SLC4A10: variants seen among roughly 807,000 people sequenced by gnomAD.
The protein encoded by SLC4A10 is solute carrier family 4 member 10.
In SLC4A10, 42 loss-of-function variants were observed where a neutral mutation model predicts 137.7. The ratio of observed to expected loss-of-function variants is 0.30; its 90% CI spans 0.24 to 0.39. The LOEUF (loss-of-function observed/expected upper bound fraction) is 0.39, where lower values mean the gene tolerates loss of function less well. SLC4A10 is among the 10% of genes least tolerant of loss of function. The pLI is 1.00. For synonymous variants in SLC4A10, 474 were observed against 464.1 expected (o/e 1.02, Z -0.27); for missense variants, 925 against 1,355.0 (o/e 0.68, Z 4.98).
chr2:161,806,625 A>G (rs1559291609), intron 3 of SLC4A10, among the ~76,000 whole-genome samples: 1 of 152,110 alleles, frequency 6.6e-6, no homozygotes, highest in African/African-American at 2.4e-5. Flanking sequence ...GCTAAAACAT[A>G]ACAAGAGTCA....
chr2:161,891,406 A>G (rs2062907422), intron 10 of SLC4A10, among the ~76,000 whole-genome samples: 1 of 151,898 alleles, frequency 6.6e-6, no homozygotes, highest in African/African-American at 2.4e-5. Flanking sequence ...ACTTGGTCCT[A>G]TTCTCCCCAC....
intron 18 of SLC4A10, 67 bp from the exon 19 acceptor site, chr2:161,950,619 TA>T (rs1236971412): frequency 6.8e-7 from 1 of 1,468,760 alleles, no homozygotes; most frequent in East Asian, 2.5e-5. Context: ...GTAGCATCTG[TA>T]AGACCTAATT....
At chr2:161,928,302 CAT>C (rs1689598163) in intron 15 of SLC4A10, among the ~76,000 whole-genome samples, 1 of 143,080 alleles carries the variant, frequency 7.0e-6, no homozygotes, top group Admixed American at 7.6e-5. Flanking sequence ...TATTCTCACT[CAT>C]AGGCGGGAAT....
chr2:161,828,328 C>T (rs182320894), intron 3 of SLC4A10, among the ~76,000 whole-genome samples: 55 of 152,074 alleles, frequency 3.6e-4, no homozygotes, highest in Non-Finnish European at 6.3e-4. Context: ...TTTGGAATTT[C>T]ATTTTTGTAC....
At chr2:161,716,562 A>T (rs1388382569) in intron 1 of SLC4A10, among the ~76,000 whole-genome samples, 3 of 151,874 alleles carry the variant, frequency 2.0e-5, no homozygotes, top group African/African-American at 7.2e-5. Context: ...TTAAATAGGG[A>T]ATCCTTTCTC....
At chr2:161,668,485 G>A (rs1177474304) in intron 1 of SLC4A10, among the ~76,000 whole-genome samples, 1 of 151,710 alleles carries the variant, frequency 6.6e-6, no homozygotes, top group Non-Finnish European at 1.5e-5. Flanking sequence ...GAAGTAGTGA[G>A]TTTCTCACTA....
intron 1 of SLC4A10, chr2:161,710,786 T>G (rs2044201426): frequency 2.2e-6 from 1 of 449,234 alleles, no homozygotes; most frequent in Non-Finnish European, 4.5e-6. Flanking sequence ...GAGTAATTCT[T>G]CAATTCAGTA....
chr2:161,945,951 A>G (rs1693719809), intron 16 of SLC4A10, among the ~76,000 whole-genome samples: 1 of 151,948 alleles, frequency 6.6e-6, no homozygotes, highest in African/African-American at 2.4e-5. Context: ...TGGAACTTTT[A>G]GCTCCTTTTT....
Position 161,872,016 on chromosome 2 carries a change from A to T in SLC4A10, c.767-277A>T, listed in dbSNP as rs935605842. Among the ~76,000 whole-genome samples the T allele has an allele frequency of 2.6e-5, 4 of 152,156 alleles. 1 individual carries two copies. Among genetic ancestry groups the T allele is most frequent in the Admixed American group, 1.3e-4 (2 of 15,270 alleles). ...AATGATGCTTCAAAATCCTGGTAAC[A>T]TTTACATATTTTGTAGATAATCCTT... On this transcript the variant is annotated intron_variant, in intron 6 of 26. Transcript: ENST00000446997.
intron 15 of SLC4A10, among the ~76,000 whole-genome samples, chr2:161,912,985 A>G (rs1686220509): frequency 6.6e-6 from 1 of 152,138 alleles, no homozygotes; most frequent in Non-Finnish European, 1.5e-5. Flanking sequence ...GAATACTGTC[A>G]CATCATCCTT....
chr2:161,871,897 A>G (rs1030993910), intron 6 of SLC4A10, among the ~76,000 whole-genome samples: 2 of 152,128 alleles, frequency 1.3e-5, no homozygotes, highest in Non-Finnish European at 2.9e-5. Context: ...TTAATGCTTT[A>G]CATTTTAAAT....
intron 1 of SLC4A10, among the ~76,000 whole-genome samples, chr2:161,657,638 A>G (rs1333900789): frequency 6.6e-6 from 1 of 152,028 alleles, no homozygotes; most frequent in Admixed American, 6.6e-5. Context: ...ATATGATACA[A>G]TGATGGGTCT....
intron 1 of SLC4A10, among the ~76,000 whole-genome samples, chr2:161,648,200 CT>C (rs35645243): frequency 0.81 from 120,489 of 149,482 alleles, 48,848 homozygotes; most frequent in Admixed American, 0.86. Flanking sequence ...ATGTGGTCAA[CT>C]TTTTTTTTTT....
chr2:161,818,113 C>G (rs2057279467), intron 3 of SLC4A10, among the ~76,000 whole-genome samples: 1 of 152,142 alleles, frequency 6.6e-6, no homozygotes, highest in East Asian at 1.9e-4. Flanking sequence ...TACCCATGAG[C>G]ATGGAATGTT....
intron 6 of SLC4A10, among the ~76,000 whole-genome samples, chr2:161,869,969 G>A (rs2061009246): frequency 6.6e-6 from 1 of 151,256 alleles, no homozygotes. Context: ...CATCTGATGT[G>A]TCTGCTGCTA....
At chr2:161,866,606 GA>G (rs1443266521) in intron 6 of SLC4A10, among the ~76,000 whole-genome samples, 2 of 151,780 alleles carry the variant, frequency 1.3e-5, no homozygotes, top group Non-Finnish European at 2.9e-5. Context: ...AAAAATAATA[GA>G]AAAATAATAT....
At chr2:161,687,497 T>A (rs1415426650) in intron 1 of SLC4A10, among the ~76,000 whole-genome samples, 2 of 152,234 alleles carry the variant, frequency 1.3e-5, no homozygotes, top group Non-Finnish European at 2.9e-5. Flanking sequence ...TTCATTTTAA[T>A]TGACATAATT....
intron 6 of SLC4A10, among the ~76,000 whole-genome samples, chr2:161,868,541 A>G (rs2060907353): frequency 6.6e-6 from 1 of 151,694 alleles, no homozygotes; most frequent in African/African-American, 2.4e-5. Flanking sequence ...TGATCCCTAC[A>G]TGAAGACTCA....
At chr2:161,652,997 C>T (rs994202688) in intron 1 of SLC4A10, among the ~76,000 whole-genome samples, 2 of 152,066 alleles carry the variant, frequency 1.3e-5, no homozygotes, top group South Asian at 2.1e-4. Context: ...GCTATCCCTC[C>T]CCTATCCCCC....
Sources: gnomAD v4.1 joint callset for allele counts (sites outside exome capture counted in the v4.1 genomes callset) on GRCh38, gnomAD v4.1.1 for gene constraint, MANE v1.5 for transcripts, NCBI Gene and HGNC (gene_info 2026-07-23, HGNC 2026-07-21) for gene names.